Variants in PRELID2 observed in about 807,000 individuals in gnomAD.
PRELID2 encodes the protein PRELI domain containing 2.
Under a neutral mutation model 28.4 loss-of-function variants are expected in PRELID2, and 25 were observed. That is an observed-to-expected ratio of 0.88 (90% CI 0.64 to 1.23). The LOEUF is 1.23. Ranked by LOEUF, PRELID2 falls within the 50% of genes most tolerant of loss-of-function variation. PRELID2 has a pLI of 0.00. For synonymous variants in PRELID2, 76 were observed against 71.6 expected, an observed-to-expected ratio of 1.06 and a Z score of -0.31; for missense variants, 201 against 214.4, an observed-to-expected ratio of 0.94 and a Z score of 0.39.
At chr5:145,441,330 T>G in the PRELID2 span, among the ~76,000 whole-genome samples, 1 of 151,742 alleles carries the variant, frequency 6.6e-6, no homozygotes, top group East Asian at 1.9e-4. Context: ...CTCTTGAATC[T>G]ATTCCTTTCT....
At position 145,746,815 on chromosome 5, in the gene PRELID2, G is replaced by C. The variant is rs112503106; in HGVS notation, n.70+18116C>G. Among the ~76,000 whole-genome samples the C allele has an allele frequency of 4.1e-3, 626 of 152,220 alleles. 5 individuals are homozygous for C. Among genetic ancestry groups the C allele is most frequent in the African/African-American group, 0.014 (600 of 41,530 alleles). ...ACTCCTGAGCAAATGCAAAAGAATG[G>C]AAATCATAACAAACTGTCTCTCAGA... On this transcript the variant is annotated intron_variant and non_coding_transcript_variant, in intron 1 of 2. Coordinates refer to the PRELID2 transcript ENST00000510259.
chr5:145,696,447 A>G (rs910913060), intron 1 of PRELID2, among the ~76,000 whole-genome samples: 2 of 152,172 alleles, frequency 1.3e-5, no homozygotes, highest in African/African-American at 4.8e-5. Flanking sequence ...CTACCTAAAC[A>G]TTCCAGAATT....
At chr5:145,530,063 G>A (rs1412469591) in intron 1 of PRELID2, among the ~76,000 whole-genome samples, 2 of 152,054 alleles carry the variant, frequency 1.3e-5, no homozygotes, top group Non-Finnish European at 2.9e-5. Context: ...TTTTTCCTCT[G>A]ATTTTCAGAA....
At chr5:145,610,071 C>G (rs1420463702) in intron 1 of PRELID2, among the ~76,000 whole-genome samples, 1 of 152,194 alleles carries the variant, frequency 6.6e-6, no homozygotes, top group African/African-American at 2.4e-5. Flanking sequence ...CCAGGTAGCT[C>G]TCTGCCTCAG....
At chr5:145,565,026 T>C (rs1056168127) in intron 1 of PRELID2, among the ~76,000 whole-genome samples, 6 of 152,208 alleles carry the variant, frequency 3.9e-5, no homozygotes, top group Admixed American at 6.5e-5. Flanking sequence ...GGTACCTCAG[T>C]TGGAAATGCA....
At chr5:145,386,879 A>T in the PRELID2 span, among the ~76,000 whole-genome samples, 1 of 152,222 alleles carries the variant, frequency 6.6e-6, no homozygotes, top group African/African-American at 2.4e-5. Context: ...CTTGTTCTAC[A>T]TCACTTTATA....
chr5:145,665,327 G>T (rs1754567103), intron 1 of PRELID2, among the ~76,000 whole-genome samples: 1 of 152,038 alleles, frequency 6.6e-6, no homozygotes, highest in South Asian at 2.1e-4. Flanking sequence ...TCGCTGTCTG[G>T]AACACTGTGC....
At chr5:145,790,724 TA>T in intron 5 of PRELID2, among the ~76,000 whole-genome samples, 1 of 127,078 alleles carries the variant, frequency 7.9e-6, no homozygotes, top group African/African-American at 3.8e-5. Context: ...TGTGTGTGTA[TA>T]TATATATATA....
chr5:145,744,606 C>T (rs537640501), intron 1 of PRELID2, among the ~76,000 whole-genome samples: 31 of 152,240 alleles, frequency 2.0e-4, no homozygotes, highest in African/African-American at 6.3e-4. Context: ...CACAGCAACC[C>T]TACAGAAGAG....
chr5:145,769,106 A>T (rs1026103626), intron 5 of PRELID2, among the ~76,000 whole-genome samples: 4 of 152,198 alleles, frequency 2.6e-5, no homozygotes, highest in African/African-American at 9.7e-5. Context: ...ACCACTTATC[A>T]CACAATGATG....
At chr5:145,584,030 T>C (rs1753130455) in intron 1 of PRELID2, among the ~76,000 whole-genome samples, 1 of 152,024 alleles carries the variant, frequency 6.6e-6, no homozygotes, top group African/African-American at 2.4e-5. Flanking sequence ...ACTACCCAAC[T>C]TCAAACTACA....
At chr5:145,811,227 A>T (rs1405087227) in intron 4 of PRELID2, among the ~76,000 whole-genome samples, 1 of 150,578 alleles carries the variant, frequency 6.6e-6, no homozygotes. Flanking sequence ...ATTGCCTCCC[A>T]CTGGGTCCTT....
chr5:145,296,967 T>A, the PRELID2 span, among the ~76,000 whole-genome samples: 1 of 152,198 alleles, frequency 6.6e-6, no homozygotes, highest in Non-Finnish European at 1.5e-5. Flanking sequence ...TTTTCATGTG[T>A]TTTTTGGCCG....
chr5:145,557,228 C>T (rs766711084), intron 1 of PRELID2, among the ~76,000 whole-genome samples: 1 of 152,098 alleles, frequency 6.6e-6, no homozygotes, highest in Non-Finnish European at 1.5e-5. Flanking sequence ...TTTTTATTAA[C>T]CAAAGCATAA....
Position 145,514,318 on chromosome 5 carries a change from C to CAAAAAAAAAAAAAAAAAAAAAAAAAAAA in PRELID2, n.71-41004_71-41003insTTTTTTTTTTTTTTTTTTTTTTTTTTTT, listed in dbSNP as rs55760860. On this transcript the variant is annotated intron_variant and non_coding_transcript_variant, in intron 1 of 2. Transcript: ENST00000510259. Reference sequence around the variant, plus strand: ...GAATATTTACCAAGCAAATGGAAAGCAAAAAAAAAAAAAAAGCATGGGTTG... The same window carrying CAAAAAAAAAAAAAAAAAAAAAAAAAAAA: ...GAATATTTACCAAGCAAATGGAAAGCAAAAAAAAAAAAAAAAAAAAAAAAAAAAAAAAAAAAAAAAAAAGCATGGGTTG... Among the ~76,000 whole-genome samples, 27 of 67,418 alleles carry CAAAAAAAAAAAAAAAAAAAAAAAAAAAA rather than the reference C, an allele frequency of 4.0e-4. 1 individual carries two copies. Among genetic ancestry groups the CAAAAAAAAAAAAAAAAAAAAAAAAAAAA allele is most frequent in the South Asian group, 1.1e-3 (2 of 1,742 alleles). 44.2% of individuals were successfully genotyped at this position (67,418 alleles called of 152,430 possible). A position where few individuals can be genotyped will look rare whatever the true frequency, so the allele number is the denominator to read the frequency against.
At chr5:145,282,623 G>A in the PRELID2 span, among the ~76,000 whole-genome samples, 2 of 151,432 alleles carry the variant, frequency 1.3e-5, no homozygotes, top group African/African-American at 2.4e-5. Flanking sequence ...GGTTTCAAGC[G>A]ATCCTCCCAT....
chr5:145,403,252 C>T, the PRELID2 span, among the ~76,000 whole-genome samples: 1,631 of 152,212 alleles, frequency 0.011, 37 homozygotes, highest in African/African-American at 0.037. Context: ...TTAAAAGGGA[C>T]CAGTGCCAGG....
rs1274174155 is a variant in PRELID2 at position 145,741,310 on chromosome 5, TATTTATAA to T, written n.70+23613_70+23620del. Among the ~76,000 whole-genome samples the T allele has an allele frequency of 7.6e-5, 6 of 78,922 alleles. 1 individual carries two copies. Among genetic ancestry groups the T allele is most frequent in the African/African-American group, 2.6e-4 (5 of 19,308 alleles). The allele number at this position is 78,922 out of a possible 152,430, so 51.8% of individuals were successfully genotyped here. A position where few individuals can be genotyped will look rare whatever the true frequency, so the allele number is the denominator to read the frequency against. On this transcript the variant is annotated intron_variant and non_coding_transcript_variant, in intron 1 of 2. Transcript: ENST00000510259. Reference sequence around the variant, plus strand: ...ATAAATAAATTATATATAAATAATTTATTTATAAATAAATTATTTATATATAAATAAAA... The same window carrying T: ...ATAAATAAATTATATATAAATAATTTATAAATTATTTATATATAAATAAAA...
At chr5:145,781,412 A>C (rs770393364) in intron 5 of PRELID2, among the ~76,000 whole-genome samples, 32 of 152,090 alleles carry the variant, frequency 2.1e-4, no homozygotes, top group Non-Finnish European at 3.5e-4. Flanking sequence ...CTTTTTGGTC[A>C]AACTAAAAGA....
Sources: allele counts gnomAD v4.1 joint callset (sites outside exome capture counted in the v4.1 genomes callset), GRCh38; gene constraint gnomAD v4.1.1; transcripts MANE v1.5; gene names NCBI Gene and HGNC (gene_info 2026-07-23, HGNC 2026-07-21).